The following ENPP6 variants were observed in gnomAD, a reference collection of about 807,000 sequenced individuals.
ENPP6 encodes glycerophosphocholine cholinephosphodiesterase ENPP6.
Under a neutral mutation model 42.0 loss-of-function variants are expected in ENPP6, and 32 were observed. The ratio of observed to expected loss-of-function variants is 0.76; its 90% CI spans 0.58 to 1.02. ENPP6 has a LOEUF of 1.02. Among genes scored for constraint, ENPP6 ranks in the 50% least tolerant of loss-of-function variants. The probability of loss-of-function intolerance (pLI) is 0.00; values close to 1 mark genes in which losing one functional copy is unlikely to be tolerated. For missense variants in ENPP6, 552 were observed against 566.8 expected (o/e 0.97, Z 0.27); for synonymous variants, 213 against 216.0 (o/e 0.99, Z 0.12).
intron 1 of ENPP6, among the ~76,000 whole-genome samples, chr4:184,193,831 G>C (rs974290964): frequency 6.6e-6 from 1 of 152,126 alleles, no homozygotes; most frequent in Non-Finnish European, 1.5e-5. Context: ...CAGCTCCCTA[G>C]GGGTTTTGCA....
chr4:184,109,546 A>G (rs1028876954), intron 6 of ENPP6, among the ~76,000 whole-genome samples: 2 of 152,186 alleles, frequency 1.3e-5, no homozygotes, highest in African/African-American at 4.8e-5. Flanking sequence ...TGTGTGAGCC[A>G]CCATGGATAG....
intron 1 of ENPP6, among the ~76,000 whole-genome samples, chr4:184,163,175 A>G (rs570204061): frequency 6.6e-6 from 1 of 152,224 alleles, no homozygotes; most frequent in South Asian, 2.1e-4. Flanking sequence ...ATCAGAGACC[A>G]CACAAGCTGA....
intron 2 of ENPP6, among the ~76,000 whole-genome samples, chr4:184,137,464 TATAATCTGTTTTTTTAAATTGA>T (rs1175147111): frequency 6.6e-6 from 1 of 152,214 alleles, no homozygotes; most frequent in African/African-American, 2.4e-5. Flanking sequence ...CTTGTTTTCT[TATAATCTGTTTTTTTAAATTGA>T]ATACTACATA....
intron 1 of ENPP6, among the ~76,000 whole-genome samples, chr4:184,164,078 AGAT>A (rs1737310753): frequency 6.6e-6 from 1 of 152,138 alleles, no homozygotes; most frequent in South Asian, 2.1e-4. Flanking sequence ...CGCCTCTGGG[AGAT>A]GGTGGCTACA....
At chr4:184,212,038 AC>A (rs1439267987) in intron 1 of ENPP6, among the ~76,000 whole-genome samples, 35 of 150,912 alleles carry the variant, frequency 2.3e-4, no homozygotes, top group African/African-American at 7.4e-4. Flanking sequence ...AAATTCAACA[AC>A]CCTTCATGCT....
chr4:184,156,390 C>T (rs1560995420), intron 1 of ENPP6, among the ~76,000 whole-genome samples: 1 of 152,186 alleles, frequency 6.6e-6, no homozygotes, highest in Non-Finnish European at 1.5e-5. Context: ...TTTATTGCCT[C>T]GGTAAAATTG....
intron 1 of ENPP6, among the ~76,000 whole-genome samples, chr4:184,187,371 C>A (rs917577173): frequency 1.3e-5 from 2 of 152,214 alleles, no homozygotes; most frequent in African/African-American, 4.8e-5. Flanking sequence ...CTGCTCCCTG[C>A]AGCAGATCTG....
intron 1 of ENPP6, among the ~76,000 whole-genome samples, chr4:184,208,636 A>G (rs980185508): frequency 2.7e-5 from 4 of 149,780 alleles, no homozygotes; most frequent in Non-Finnish European, 4.5e-5. Flanking sequence ...CTGAGATCAA[A>G]CTGCAAGGCG....
At chr4:184,132,833 A>G (rs990139256) in intron 2 of ENPP6, among the ~76,000 whole-genome samples, 2 of 3,450 alleles carry the variant, frequency 5.8e-4, no homozygotes, top group African/African-American at 9.6e-4. Context: ...ACACACACAC[A>G]CATATATATA....
intron 2 of ENPP6, among the ~76,000 whole-genome samples, chr4:184,125,642 T>A (rs2111352938): frequency 6.6e-6 from 1 of 152,220 alleles, no homozygotes; most frequent in East Asian, 1.9e-4. Context: ...TAGCAAGACC[T>A]GGGTGTGTCA....
rs1251505091 is a variant in ENPP6 at position 184,090,908 on chromosome 4, T to G, written c.*269A>C. 1 of 454,170 alleles carries G rather than the reference T, an allele frequency of 2.2e-6. No individual in the cohort carries two copies. The highest frequency in any genetic ancestry group is 3.8e-6 in the Non-Finnish European group (1 of 260,808). 28.1% of individuals were successfully genotyped at this position (454,170 alleles called of 1,614,324 possible). A position where few individuals can be genotyped will look rare whatever the true frequency, so the allele number is the denominator to read the frequency against. The stretch of plus-strand genomic sequence containing the variant: ...AGGTCCCTGCTCAGAGAGTTCATCC[T>G]GAGTAACGTGAAAAGAAAGGAGAAA... On this transcript the variant is annotated 3_prime_UTR_variant, in exon 8 of 8. Coordinates refer to ENST00000296741, the MANE Select transcript of ENPP6 (RefSeq NM_153343.4).
chr4:184,140,402 A>G (rs1190317636), intron 2 of ENPP6, among the ~76,000 whole-genome samples: 1 of 152,114 alleles, frequency 6.6e-6, no homozygotes, highest in Non-Finnish European at 1.5e-5. Flanking sequence ...TAAGGTTCAT[A>G]TGGAACCAAA....
At chr4:184,106,826 G>A (rs12505881) in intron 6 of ENPP6, among the ~76,000 whole-genome samples, 148,643 of 152,282 alleles carry the variant, frequency 0.98, 72,613 homozygotes, top group East Asian at 1. Context: ...AGAACTTCTC[G>A]TTGGCCGTCG....
At chr4:184,157,698 G>A (rs530745575) in intron 1 of ENPP6, among the ~76,000 whole-genome samples, 59 of 150,046 alleles carry the variant, frequency 3.9e-4, no homozygotes, top group African/African-American at 1.3e-3. Flanking sequence ...CTGCAACCTT[G>A]ACCTCCCCAG....
intron 3 of ENPP6, among the ~76,000 whole-genome samples, chr4:184,119,844 G>T (rs944513731): frequency 6.6e-6 from 1 of 152,106 alleles, no homozygotes; most frequent in African/African-American, 2.4e-5. Flanking sequence ...CCTTGTTGCT[G>T]CCATGTGAAG....
chr4:184,155,478 T>A (rs144352222), intron 1 of ENPP6, among the ~76,000 whole-genome samples: 3 of 141,362 alleles, frequency 2.1e-5, no homozygotes, highest in Middle Eastern at 3.5e-3. Context: ...CTGCAGCTGG[T>A]GTGCAAAGAA....
At chr4:184,181,909 A>G (rs1477859504) in intron 1 of ENPP6, among the ~76,000 whole-genome samples, 5 of 152,212 alleles carry the variant, frequency 3.3e-5, no homozygotes, top group Non-Finnish European at 7.3e-5. Context: ...TAAAAACCCT[A>G]GAAGAAAATC....
chr4:184,214,855 G>C (rs1040654433), intron 1 of ENPP6, among the ~76,000 whole-genome samples: 1 of 152,164 alleles, frequency 6.6e-6, no homozygotes, highest in Non-Finnish European at 1.5e-5. Flanking sequence ...CAGGGAGGGA[G>C]AGCATTAGGA....
chr4:184,141,291 C>G (rs76308848), intron 2 of ENPP6, among the ~76,000 whole-genome samples: 1,549 of 152,280 alleles, frequency 0.01, 22 homozygotes, highest in South Asian at 0.04. Flanking sequence ...GAGCATTGCT[C>G]AACCTCGCAG....
Sources: allele counts gnomAD v4.1 joint callset (sites outside exome capture counted in the v4.1 genomes callset), GRCh38; gene constraint gnomAD v4.1.1; transcripts MANE v1.5; gene names NCBI Gene and HGNC (gene_info 2026-07-23, HGNC 2026-07-21).